Variants in IPMK observed in about 807,000 individuals in gnomAD.
The protein encoded by IPMK is inositol 1,3,4,6-tetrakisphosphate 5-kinase.
In IPMK, 17 loss-of-function variants were observed where a neutral mutation model predicts 45.8. The observed-to-expected ratio is 0.37, with a 90% CI of 0.25 to 0.56. IPMK has a LOEUF of 0.56. IPMK is among the 20% of genes least tolerant of loss of function. IPMK has a pLI of 0.79. For missense variants in IPMK, 399 were observed against 498.0 expected (o/e 0.80, Z 1.89); for synonymous variants, 180 against 184.3 (o/e 0.98, Z 0.19).
At chr10:58,253,032 T>C in intron 1 of IPMK, among the ~76,000 whole-genome samples, 1 of 152,202 alleles carries the variant, frequency 6.6e-6, no homozygotes, top group East Asian at 1.9e-4. Flanking sequence ...ACCCAAATCT[T>C]ACCTTGAATT....
intron 3 of IPMK, among the ~76,000 whole-genome samples, chr10:58,225,835 GAAAA>G (rs953379174): frequency 6.6e-6 from 1 of 151,452 alleles, no homozygotes; most frequent in African/African-American, 2.4e-5. Context: ...AGCAAAGAGG[GAAAA>G]AAAAGGAAGG....
chr10:58,260,535 T>C (rs1839048557), intron 1 of IPMK, among the ~76,000 whole-genome samples: 2 of 152,214 alleles, frequency 1.3e-5, no homozygotes, highest in Non-Finnish European at 2.9e-5. Context: ...ACAATCATCA[T>C]ATACAGAGAG....
At chr10:58,245,002 C>T (rs1281413066) in intron 1 of IPMK, among the ~76,000 whole-genome samples, 3 of 150,100 alleles carry the variant, frequency 2.0e-5, no homozygotes, top group African/African-American at 7.4e-5. Flanking sequence ...GACCCTGCCA[C>T]ATCCCCCTCT....
intron 4 of IPMK, among the ~76,000 whole-genome samples, chr10:58,202,838 T>G (rs1213869534): frequency 1.3e-5 from 2 of 152,242 alleles, no homozygotes; most frequent in African/African-American, 4.8e-5. Flanking sequence ...CCTGGTCACC[T>G]AACAAGATTA....
At chr10:58,199,647 C>G (rs138930025) in intron 4 of IPMK, among the ~76,000 whole-genome samples, 1 of 152,018 alleles carries the variant, frequency 6.6e-6, no homozygotes, top group African/African-American at 2.4e-5. Flanking sequence ...ATACAAGAAG[C>G]CTTCACAAAA....
chr10:58,260,734 G>A (rs909563653), intron 1 of IPMK, among the ~76,000 whole-genome samples: 1 of 151,992 alleles, frequency 6.6e-6, no homozygotes, highest in African/African-American at 2.4e-5. Flanking sequence ...CAATGTGTAA[G>A]ACCTGTACAC....
intron 4 of IPMK, among the ~76,000 whole-genome samples, chr10:58,209,193 GT>G (rs1460408546): frequency 6.6e-6 from 1 of 152,114 alleles, no homozygotes; most frequent in Non-Finnish European, 1.5e-5. Flanking sequence ...CTTTCTATAG[GT>G]GCCTCCATGC....
chr10:58,227,276 A>G (rs1838432624), intron 2 of IPMK, 137 bp from the exon 3 acceptor site: 1 of 605,346 alleles, frequency 1.7e-6, no homozygotes, highest in Admixed American at 3.0e-5. Flanking sequence ...GAACAAGCAA[A>G]AAATATTACT....
At position 58,249,255 on chromosome 10, in the gene IPMK, CTG is replaced by C. The variant is rs1838848603; in HGVS notation, c.191-11443_191-11442del. 3.9e-5 allele frequency among the ~76,000 whole-genome samples: 6 copies of C among 152,250 alleles called. No individual in the cohort carries two copies. In the South Asian group the frequency reaches 1.2e-3, roughly 32 times the overall value. On this transcript the variant is annotated intron_variant, in intron 1 of 5. Coordinates refer to ENST00000373935, the MANE Select transcript of IPMK (RefSeq NM_152230.5). ...GTTGTTTTTGAGATAGGGTCTCTCT[CTG>C]TAACACAGGCTGGACTGCAGCGGCA...
In IPMK at chr10:58,195,297, T is replaced by C. The variant is rs1195122306; in HGVS notation, c.*779A>G. 6.6e-6 allele frequency: 1 copy of C among 152,088 alleles called. No individual in the cohort carries two copies. The highest frequency in any genetic ancestry group is 2.4e-5 in the African/African-American group (1 of 41,456). The allele number at this position is 152,088 out of a possible 1,614,324, so 9.4% of individuals were successfully genotyped here. On this transcript the variant is annotated 3_prime_UTR_variant, in exon 6 of 6. Transcript: ENST00000373935. ...TATGATACTTTCACAATGTAATAAA[T>C]TTATATTCCAATTTTCTCATGAATG...
At chr10:58,264,150 T>C (rs1373326153) in intron 1 of IPMK, among the ~76,000 whole-genome samples, 1 of 152,252 alleles carries the variant, frequency 6.6e-6, no homozygotes, top group African/African-American at 2.4e-5. Context: ...AGAATATCCT[T>C]GTTCTTAAGG....
chr10:58,227,097 G>T lies in IPMK; in HGVS notation c.319C>A (p.Arg107=), dbSNP rs758099009. ...CCATAATATTTTGGCAAATATTTTC[G>T]TAGCTCTAGAAGAACACCATCAAAA... is the stretch of plus-strand genomic sequence containing the variant. ...DCFDGVLLEL[R]KYLPKYYGIW... is the part of the protein sequence containing the mutation. Residue 107 remains arginine, a synonymous_variant, in exon 3 of 6, where the codon CGA becomes AGA. Transcript: ENST00000373935. 1 of 1,613,242 alleles carries T rather than the reference G, an allele frequency of 6.2e-7. No homozygotes were observed. The highest frequency in any genetic ancestry group is 2.2e-5 in the East Asian group (1 of 44,798).
intron 1 of IPMK, among the ~76,000 whole-genome samples, chr10:58,257,266 G>A (rs547244094): frequency 3.3e-5 from 5 of 152,126 alleles, no homozygotes; most frequent in South Asian, 2.1e-4. Context: ...ACTCCAAGGC[G>A]GGTTGATCGC....
chr10:58,217,516 C>G (rs1838262422), intron 3 of IPMK, among the ~76,000 whole-genome samples: 2 of 151,314 alleles, frequency 1.3e-5, no homozygotes, highest in African/African-American at 4.9e-5. Flanking sequence ...TGGAGAAACC[C>G]CGTCTCTACT....
chr10:58,252,697 C>A (rs781140255), intron 1 of IPMK, among the ~76,000 whole-genome samples: 14 of 150,726 alleles, frequency 9.3e-5, no homozygotes, highest in Non-Finnish European at 1.8e-4. Context: ...ACTGCAACCT[C>A]CACCTTCCGG....
chr10:58,226,937 G>C, intron 3 of IPMK, 106 bp downstream of exon 3: 1 of 637,492 alleles, frequency 1.6e-6, no homozygotes, highest in Non-Finnish European at 2.7e-6. Context: ...TATATATTTT[G>C]TGTTTTTATA....
chr10:58,206,745 T>C (rs962563083), intron 4 of IPMK, among the ~76,000 whole-genome samples: 1 of 152,156 alleles, frequency 6.6e-6, no homozygotes. Flanking sequence ...GCAGTGCACA[T>C]TTTACTGAAT....
Position 58,259,735 on chromosome 10 carries a change from G to A in IPMK, c.190+7687C>T, listed in dbSNP as rs191161637. 3.7e-3 allele frequency among the ~76,000 whole-genome samples: 563 copies of A among 150,432 alleles called. 12 individuals carry two copies. The highest frequency in any genetic ancestry group is 0.035 in the Admixed American group (521 of 15,080). On this transcript the variant is annotated intron_variant, in intron 1 of 5. Coordinates refer to ENST00000373935, the MANE Select transcript of IPMK (RefSeq NM_152230.5). ...CATGCCTATAGTCCCGGCTACTCAG[G>A]AGGCTTCGGTGGGAGGATCACTTGA...
intron 4 of IPMK, among the ~76,000 whole-genome samples, chr10:58,211,164 G>A (rs908782859): frequency 4.0e-5 from 6 of 151,364 alleles, no homozygotes; most frequent in African/African-American, 4.9e-5. Flanking sequence ...ATTGATGGAT[G>A]GCTGACAGGT....
Sources: allele counts gnomAD v4.1 joint callset (sites outside exome capture counted in the v4.1 genomes callset), GRCh38; gene constraint gnomAD v4.1.1; transcripts MANE v1.5; gene names NCBI Gene and HGNC (gene_info 2026-07-23, HGNC 2026-07-21).